SMPD3: variants seen among roughly 807,000 people sequenced by gnomAD.
SMPD3 encodes the protein nSMase-2.
In SMPD3, 21 loss-of-function variants were observed where a neutral mutation model predicts 55.7. That is an observed-to-expected ratio of 0.38 (90% confidence interval 0.27 to 0.54). SMPD3 has a LOEUF of 0.54. Ranked by LOEUF, SMPD3 falls within the 20% of genes least tolerant of loss-of-function variation. The pLI, the probability that SMPD3 is intolerant of heterozygous loss-of-function variation, is 0.80. For missense variants in SMPD3, 842 were observed against 899.6 expected, an observed-to-expected ratio of 0.94 and a Z score of 0.82; for synonymous variants, 457 against 404.3, an observed-to-expected ratio of 1.13 and a Z score of -1.56.
chr16:68,448,371 G>T lies in SMPD3; in HGVS notation c.-287C>A, dbSNP rs1597677214. On this transcript the variant is annotated 5_prime_UTR_variant, in exon 1 of 9. Coordinates refer to ENST00000219334, the MANE Select transcript of SMPD3 (RefSeq NM_018667.4). ...CACTGACCTCTGACGGCGGGCGGGA[G>T]GGCGGTCAGCGCCCGGCAGCGCACC... 2 of 152,242 alleles carry T rather than the reference G, an allele frequency of 1.3e-5. No individual in the cohort carries two copies. The highest frequency in any genetic ancestry group is 1.9e-4 in the East Asian group (1 of 5,152). The allele number at this position is 152,242 out of a possible 1,614,324, so 9.4% of individuals were successfully genotyped here.
At chr16:68,448,112 G>C (rs1351542538) in intron 1 of SMPD3, among the ~76,000 whole-genome samples, 2 of 152,098 alleles carry the variant, frequency 1.3e-5, no homozygotes, top group Non-Finnish European at 2.9e-5. Flanking sequence ...GAGATGGGGG[G>C]TGGGGGTGAC....
chr16:68,401,734 T>A (rs1441629972), intron 1 of SMPD3, among the ~76,000 whole-genome samples: 1 of 152,208 alleles, frequency 6.6e-6, no homozygotes, highest in Non-Finnish European at 1.5e-5. Flanking sequence ...CAAGGCAGGC[T>A]GTCATACCAG....
chr16:68,419,982 C>CTT (rs34861442), intron 1 of SMPD3, among the ~76,000 whole-genome samples: 1 of 140,400 alleles, frequency 7.1e-6, no homozygotes, highest in Non-Finnish European at 1.5e-5. Flanking sequence ...ATAGCTATTG[C>CTT]TTTTTTTTTT....
At chr16:68,399,333 G>A (rs2090187301) in intron 1 of SMPD3, among the ~76,000 whole-genome samples, 1 of 152,184 alleles carries the variant, frequency 6.6e-6, no homozygotes, top group African/African-American at 2.4e-5. Flanking sequence ...TGAGAAGGAG[G>A]AGCCACCTTC....
In SMPD3 at chr16:68,365,045, G is replaced by A. The variant is rs760930521; in HGVS notation, c.1371C>T (p.Ile457=). ...GCGGGGCATGCAGGTGTGTGCAGGC[G>A]ATGTACCCGACGATTCTTTGGTCCT... ...TPQDQRIVGY[I]ACTHLHAPQE... The change falls in exon 4 of 9, where the codon ATC becomes ATT. Residue 457 remains isoleucine, a synonymous_variant. Coordinates refer to ENST00000219334, the MANE Select transcript of SMPD3 (RefSeq NM_018667.4). 11 of 1,614,008 alleles carry A rather than the reference G, an allele frequency of 6.8e-6. No individual in the cohort carries two copies. The highest frequency in any genetic ancestry group is 2.2e-5 in the East Asian group (1 of 44,898).
chr16:68,420,664 G>A (rs914646210), intron 1 of SMPD3, among the ~76,000 whole-genome samples: 4 of 152,196 alleles, frequency 2.6e-5, no homozygotes, highest in Admixed American at 1.3e-4. Context: ...CTTCAAAATC[G>A]CAATTTAACT....
rs1167522597 is a variant in SMPD3 at position 68,436,524 on chromosome 16, G to T, written c.-269+11829C>A. ...CTTGAGTACCAAGCAGGGTCTTTGT[G>T]CTTTTCTTTGCACATAGTAGTAGGC... On this transcript the variant is annotated intron_variant, in intron 1 of 8. Transcript: ENST00000219334. Among the ~76,000 whole-genome samples, 5 of 152,136 alleles carry T rather than the reference G, an allele frequency of 3.3e-5. No individual in the cohort carries two copies. The East Asian group carries it at 9.6e-4, about 29-fold the overall frequency.
Position 68,371,602 on chromosome 16 carries a change from C to T in SMPD3, c.580G>A (p.Asp194Asn), listed in dbSNP as rs144835673. The T allele has an allele frequency of 2.2e-3, 3,489 of 1,569,578 alleles. 7 individuals are homozygous for T. The highest frequency in any genetic ancestry group is 2.9e-3 in the Non-Finnish European group (3,314 of 1,158,282). The change falls in exon 3 of 9, where the codon GAT (aspartate) becomes AAT (asparagine). Residue 194 changes from aspartate (D) to asparagine (N), a missense_variant. Asp to Asn is a conservative substitution (Grantham distance 23). Coordinates refer to ENST00000219334, the MANE Select transcript of SMPD3 (RefSeq NM_018667.4). ...FSSLVSPQGG[D>N]GVARAVPGSI... ...CCGGGGACGGCCCGGGCCACCCCATCGCCGCCCTGTGGTGACACCAGGCTG... is the reference window on the plus strand; with the variant it reads ...CCGGGGACGGCCCGGGCCACCCCATTGCCGCCCTGTGGTGACACCAGGCTG...
In SMPD3 at chr16:68,371,994, A is replaced by G; in HGVS notation, c.188T>C (p.Phe63Ser). 1 of 1,612,262 alleles carries G rather than the reference A, an allele frequency of 6.2e-7. No homozygotes were observed. Among genetic ancestry groups the G allele is most frequent in the Non-Finnish European group, 8.5e-7 (1 of 1,179,524 alleles). ...CAGGAGGGCCAGGTAGATGGGCGTG[A>G]AGAGGGCAGTGCAGAGCAGCTGCAG... is the stretch of plus-strand genomic sequence containing the variant. ...CCLQLLCTAL[F>S]TPIYLALLVA... The change falls in exon 3 of 9, where the codon TTC becomes TCC. Residue 63 changes from phenylalanine (F) to serine (S), a missense_variant. Transcript: ENST00000219334.
chr16:68,389,541 G>A (rs1349164508), intron 1 of SMPD3, among the ~76,000 whole-genome samples: 2 of 152,114 alleles, frequency 1.3e-5, no homozygotes, highest in African/African-American at 2.4e-5. Context: ...GACTTCACAG[G>A]TCCAGAAATA....
At chr16:68,426,343 G>A (rs190753538) in intron 1 of SMPD3, among the ~76,000 whole-genome samples, 1 of 152,280 alleles carries the variant, frequency 6.6e-6, no homozygotes, top group Admixed American at 6.5e-5. Context: ...TCATTATGGG[G>A]ACTGGAGACT....
At chr16:68,433,917 C>T (rs913983836) in intron 1 of SMPD3, among the ~76,000 whole-genome samples, 3 of 150,040 alleles carry the variant, frequency 2.0e-5, no homozygotes, top group Non-Finnish European at 4.4e-5. Context: ...TTAAAGAACA[C>T]GGGAAGAAAA....
chr16:68,381,541 G>T (rs1438974826), intron 2 of SMPD3, among the ~76,000 whole-genome samples: 4 of 152,196 alleles, frequency 2.6e-5, no homozygotes, highest in Non-Finnish European at 5.9e-5. Flanking sequence ...GTGGGATCAC[G>T]TGATGAGTTC....
chr16:68,433,676 G>C (rs1232213253), intron 1 of SMPD3, among the ~76,000 whole-genome samples: 2 of 152,222 alleles, frequency 1.3e-5, no homozygotes, highest in Non-Finnish European at 2.9e-5. Context: ...CTGGGGCAGA[G>C]GATTTCAAGT....
rs556665525 is a variant in SMPD3 at position 68,398,401 on chromosome 16, C to T, written c.-268-11742G>A. On this transcript the variant is annotated intron_variant, in intron 1 of 8. Transcript: ENST00000219334. ...GATGAGAAAACCATGTGTCAGAAAG[C>T]TGGTGCCGAATCCCTCACACTATTT... Among the ~76,000 whole-genome samples the T allele has an allele frequency of 7.9e-5, 12 of 152,316 alleles. No homozygotes were observed. The South Asian group carries it at 2.1e-3, about 26-fold the overall frequency.
In SMPD3 at chr16:68,371,234, C is replaced by G. The variant is rs1427265562; in HGVS notation, c.948G>C (p.Glu316Asp). Residue 316 changes from glutamate to aspartate, a missense_variant, in exon 3 of 9, where the codon GAG becomes GAC. Transcript: ENST00000219334. ...RAGPDTSASGEPGANSKLLYK... is the reference protein window; with the variant it reads ...RAGPDTSASGDPGANSKLLYK... ...ACAGGAGCTTGCTGTTGGCACCTGG[C>G]TCCCCGCTGGCACTGGTGTCTGGCC... 6.2e-7 allele frequency: 1 copy of G among 1,606,428 alleles called. No homozygotes were observed.
At chr16:68,376,504 T>C (rs1478495938) in intron 2 of SMPD3, among the ~76,000 whole-genome samples, 1 of 152,260 alleles carries the variant, frequency 6.6e-6, no homozygotes, top group Non-Finnish European at 1.5e-5. Context: ...GCTGAGTTTT[T>C]GCAGCTCAAC....
chr16:68,403,741 A>T (rs1441287198), intron 1 of SMPD3, among the ~76,000 whole-genome samples: 5 of 152,244 alleles, frequency 3.3e-5, no homozygotes, highest in Non-Finnish European at 7.3e-5. Context: ...TTGTTTGCAC[A>T]ATAATTTTAC....
intron 7 of SMPD3, among the ~76,000 whole-genome samples, chr16:68,362,521 C>T (rs1039472350): frequency 1.3e-5 from 2 of 152,254 alleles, no homozygotes; most frequent in Non-Finnish European, 2.9e-5. Flanking sequence ...TTAGGACCCC[C>T]TCCTGGGAGC....
Sources: gnomAD v4.1 joint callset for allele counts (sites outside exome capture counted in the v4.1 genomes callset) on GRCh38, gnomAD v4.1.1 for gene constraint, MANE v1.5 for transcripts, NCBI Gene and HGNC (gene_info 2026-07-23, HGNC 2026-07-21) for gene names.